CDK6: variants seen among roughly 807,000 people sequenced by gnomAD.
The protein encoded by CDK6 is cyclin-dependent kinase 6.
Under a neutral mutation model 37.1 loss-of-function variants are expected in CDK6, and 6 were observed. That is an observed-to-expected ratio of 0.16 (90% confidence interval 0.09 to 0.32). The LOEUF (loss-of-function observed/expected upper bound fraction) is 0.32. CDK6 is among the 10% of genes least tolerant of loss of function. The pLI is 1.00. For missense variants in CDK6, 224 were observed against 418.9 expected (o/e 0.53, Z 4.06); for synonymous variants, 160 against 161.3 (o/e 0.99, Z 0.06).
At chr7:92,725,010 G>T in intron 4 of CDK6, 1 of 921,992 alleles carries the variant, frequency 1.1e-6, no homozygotes, top group Non-Finnish European at 1.3e-6. Flanking sequence ...TTTTGCAGCT[G>T]AATGGCAAAA....
rs190780718 is a variant in CDK6 at position 92,607,069 on chromosome 7, G to C, written c.*8071C>G. 4.3e-6 allele frequency: 1 copy of C among 233,488 alleles called. No individual in the cohort carries two copies. The highest frequency in any genetic ancestry group is 5.6e-5 in the Admixed American group (1 of 17,784). The allele number at this position is 233,488 out of a possible 1,614,324, so 14.5% of individuals were successfully genotyped here. On this transcript the variant is annotated 3_prime_UTR_variant, in exon 8 of 8. Coordinates refer to ENST00000424848, the MANE Select transcript of CDK6 (RefSeq NM_001145306.2). ...GATTGCTTCTGTACACAGCTAAGTTGCCTGAAGCATGGAAACTTGGACTTC... is the reference window on the plus strand; with the variant it reads ...GATTGCTTCTGTACACAGCTAAGTTCCCTGAAGCATGGAAACTTGGACTTC...
intron 5 of CDK6, among the ~76,000 whole-genome samples, chr7:92,645,069 CTT>C (rs1386079770): frequency 1.3e-5 from 2 of 152,166 alleles, no homozygotes. Flanking sequence ...CGCAAAAGCT[CTT>C]GAGTGGCAGA....
intron 3 of CDK6, among the ~76,000 whole-genome samples, chr7:92,761,639 G>A (rs911284759): frequency 3.2e-4 from 49 of 152,168 alleles, no homozygotes; most frequent in Non-Finnish European, 3.7e-4. Context: ...TATTCTAAAT[G>A]TGGAAGAAAG....
At chr7:92,641,543 T>C (rs1337977013) in intron 5 of CDK6, among the ~76,000 whole-genome samples, 3 of 152,252 alleles carry the variant, frequency 2.0e-5, no homozygotes, top group Non-Finnish European at 2.9e-5. Flanking sequence ...TATAGACTTA[T>C]ACTCTTTACT....
At chr7:92,677,420 C>T (rs1257474412) in intron 4 of CDK6, among the ~76,000 whole-genome samples, 1 of 151,992 alleles carries the variant, frequency 6.6e-6, no homozygotes, top group Non-Finnish European at 1.5e-5. Context: ...GAGTTCAAGA[C>T]CAGCTTGGGC....
At position 92,833,843 on chromosome 7, in the gene CDK6, T is replaced by C. The variant is rs1801569871; in HGVS notation, c.-367-153A>G. The C allele has an allele frequency of 5.0e-6, 2 of 398,874 alleles. No individual in the cohort carries two copies. The highest frequency in any genetic ancestry group is 2.5e-4 in the South Asian group (2 of 7,912). 24.7% of individuals were successfully genotyped at this position (398,874 alleles called of 1,614,324 possible). On this transcript the variant is annotated intron_variant, in intron 1 of 7. Coordinates refer to ENST00000424848, the MANE Select transcript of CDK6 (RefSeq NM_001145306.2). This position sits in a 1 kb window ranked among gnomAD's most constrained non-coding sequence, Gnocchi z 6.1. Reference sequence around the variant, plus strand: ...GCCCTCTCCCAAGCCGCTTAATCCTTCCTGGTTCCTCCGAGAAAAGCGAAG... The same window carrying C: ...GCCCTCTCCCAAGCCGCTTAATCCTCCCTGGTTCCTCCGAGAAAAGCGAAG...
chr7:92,610,047 T>C lies in CDK6; in HGVS notation c.*5093A>G. ...GTTAGAATGAAATCTCTTTTAGAAG[T>C]ACCTCTTTAGTCTTCATCAGATTTG... On this transcript the variant is annotated 3_prime_UTR_variant, in exon 8 of 8. Coordinates refer to ENST00000424848, the MANE Select transcript of CDK6 (RefSeq NM_001145306.2). The C allele has an allele frequency of 4.4e-6, 1 of 229,828 alleles. No individual in the cohort carries two copies. Among genetic ancestry groups the C allele is most frequent in the Non-Finnish European group, 8.6e-6 (1 of 115,924 alleles). The allele number at this position is 229,828 out of a possible 1,614,324, so 14.2% of individuals were successfully genotyped here. A position where few individuals can be genotyped will look rare whatever the true frequency, so the allele number is the denominator to read the frequency against.
intron 3 of CDK6, among the ~76,000 whole-genome samples, chr7:92,735,063 C>T (rs1479801494): frequency 1.3e-5 from 2 of 152,242 alleles, no homozygotes; most frequent in African/African-American, 4.8e-5. Context: ...CCTGAGTCTT[C>T]ACTTGGATGC....
At chr7:92,619,756 C>A (rs934940456) in intron 6 of CDK6, among the ~76,000 whole-genome samples, 1 of 151,748 alleles carries the variant, frequency 6.6e-6, no homozygotes, top group African/African-American at 2.4e-5. Context: ...CTCTATCAGG[C>A]ATACTGAGAG....
chr7:92,650,355 C>A (rs1037349272), intron 5 of CDK6, among the ~76,000 whole-genome samples: 1 of 152,096 alleles, frequency 6.6e-6, no homozygotes, highest in South Asian at 2.1e-4. Context: ...TCAGCCAGAG[C>A]GCGACAACAG....
chr7:92,648,114 A>G (rs1796492067), intron 5 of CDK6, among the ~76,000 whole-genome samples: 1 of 151,876 alleles, frequency 6.6e-6, no homozygotes, highest in South Asian at 2.1e-4. Flanking sequence ...TGTGTGTGTA[A>G]GTGTGTTCGT....
rs575407385 is a variant in CDK6, at chr7:92,786,953, G to T, written c.234-12122C>A. ...AATCCCAGCACTCTGGGAGGCTGAG[G>T]GGGGTGGATCACTTGAGGTCAGGAG... On this transcript the variant is annotated intron_variant, in intron 2 of 7. Transcript: ENST00000424848. Among the ~76,000 whole-genome samples, 5 of 152,108 alleles carry T rather than the reference G, an allele frequency of 3.3e-5. No homozygotes were observed. The South Asian group carries it at 6.2e-4, about 19-fold the overall frequency.
intron 4 of CDK6, among the ~76,000 whole-genome samples, chr7:92,712,270 T>C (rs1317441662): frequency 6.6e-6 from 1 of 152,124 alleles, no homozygotes; most frequent in Non-Finnish European, 1.5e-5. Flanking sequence ...TTTGGTGAAC[T>C]CTATCTTATA....
At chr7:92,754,982 C>T (rs187219145) in intron 3 of CDK6, among the ~76,000 whole-genome samples, 5 of 152,260 alleles carry the variant, frequency 3.3e-5, no homozygotes. Context: ...CTTTCACCCT[C>T]TTGGCCCTAC....
At chr7:92,687,553 C>T (rs113793043) in intron 4 of CDK6, among the ~76,000 whole-genome samples, 6,228 of 152,178 alleles carry the variant, frequency 0.041, 170 homozygotes, top group Middle Eastern at 0.061. Context: ...TTAACAACTA[C>T]GGCAATAGAA....
chr7:92,792,192 A>G (rs1800301818), intron 2 of CDK6, among the ~76,000 whole-genome samples: 1 of 152,138 alleles, frequency 6.6e-6, no homozygotes, highest in Admixed American at 6.6e-5. Flanking sequence ...ACAACTAACA[A>G]ATATTGACTG....
rs1365811087 is a variant in CDK6, at chr7:92,661,881, T to C, written c.647+9545A>G. On this transcript the variant is annotated intron_variant, in intron 5 of 7. Transcript: ENST00000424848. ...AGCGTGGCTCACAGTAAGTGTGCAA[T>C]AAATGTTATCTATTATTTTTATGAT... Among the ~76,000 whole-genome samples, 2 of 152,224 alleles carry C rather than the reference T, an allele frequency of 1.3e-5. 1 individual carries two copies. The highest frequency in any genetic ancestry group is 4.8e-5 in the African/African-American group (2 of 41,460).
intron 3 of CDK6, among the ~76,000 whole-genome samples, chr7:92,774,382 T>C (rs956273247): frequency 1.3e-5 from 2 of 152,220 alleles, no homozygotes; most frequent in East Asian, 1.9e-4. Flanking sequence ...TACTAAACTA[T>C]GTTTCCTAAG....
At chr7:92,758,623 T>A (rs1442788338) in intron 3 of CDK6, among the ~76,000 whole-genome samples, 1 of 152,222 alleles carries the variant, frequency 6.6e-6, no homozygotes, top group Admixed American at 6.5e-5. Context: ...CAGGCTCTGT[T>A]TTGATTCCAT....
Sources: gnomAD v4.1 joint callset for allele counts (sites outside exome capture counted in the v4.1 genomes callset) on GRCh38, gnomAD v4.1.1 for gene constraint, Gnocchi (gnomAD v3.1) non-coding constraint, MANE v1.5 for transcripts, NCBI Gene and HGNC (gene_info 2026-07-23, HGNC 2026-07-21) for gene names.